TRPC7: variants seen among roughly 807,000 people sequenced by gnomAD.
TRPC7 encodes transient receptor potential cation channel subfamily C member 7, also known as short transient receptor potential channel 7.
TRPC7 carries 42 observed loss-of-function variants against 90.1 expected under a neutral mutation model. The observed-to-expected ratio is 0.47, with a 90% CI of 0.36 to 0.60. TRPC7 has a LOEUF of 0.60. TRPC7 is among the 20% of genes least tolerant of loss of function. TRPC7 has a pLI of 0.00. For synonymous variants in TRPC7, 451 were observed against 436.3 expected, an observed-to-expected ratio of 1.03 and a Z score of -0.42; for missense variants, 955 against 1,112.3, an observed-to-expected ratio of 0.86 and a Z score of 2.01.
At chr5:136,311,985 A>G (rs1160603769) in intron 3 of TRPC7, among the ~76,000 whole-genome samples, 1 of 152,226 alleles carries the variant, frequency 6.6e-6, no homozygotes, top group East Asian at 1.9e-4. Flanking sequence ...TTTTCATTAT[A>G]ACCTATGACA....
At chr5:136,347,550 G>A (rs1046535637) in intron 2 of TRPC7, among the ~76,000 whole-genome samples, 3 of 152,280 alleles carry the variant, frequency 2.0e-5, no homozygotes, top group Non-Finnish European at 4.4e-5. Context: ...TAGAATCTTG[G>A]AAATGCAATG....
chr5:136,227,590 A>G (rs151191950), intron 8 of TRPC7, among the ~76,000 whole-genome samples: 22 of 152,260 alleles, frequency 1.4e-4, no homozygotes, highest in African/African-American at 5.1e-4. Flanking sequence ...GGGACATCCT[A>G]TAAGGATCTT....
At chr5:136,350,129 G>A (rs551575383) in intron 2 of TRPC7, among the ~76,000 whole-genome samples, 184 of 152,280 alleles carry the variant, frequency 1.2e-3, no homozygotes, top group Non-Finnish European at 2.2e-3. Context: ...TGATGAAATT[G>A]CTTAAGGATG....
chr5:136,238,847 C>T (rs912446549), intron 7 of TRPC7, among the ~76,000 whole-genome samples: 11 of 152,140 alleles, frequency 7.2e-5, no homozygotes, highest in Non-Finnish European at 1.0e-4. Flanking sequence ...AAACATTTTA[C>T]GATAGTAGAG....
intron 3 of TRPC7, among the ~76,000 whole-genome samples, chr5:136,291,446 G>T (rs1001055530): frequency 2.0e-5 from 3 of 152,090 alleles, no homozygotes; most frequent in African/African-American, 7.2e-5. Flanking sequence ...GATGGAGGAA[G>T]ATCTACCAAG....
intron 3 of TRPC7, among the ~76,000 whole-genome samples, chr5:136,287,682 A>T (rs1757768768): frequency 9.1e-6 from 1 of 110,318 alleles, no homozygotes; most frequent in Admixed American, 1.2e-4. Context: ...GACAGAGTGG[A>T]TGCTCAAAAA....
chr5:136,294,108 A>T (rs1011804016), intron 3 of TRPC7, among the ~76,000 whole-genome samples: 4 of 152,218 alleles, frequency 2.6e-5, no homozygotes, highest in Admixed American at 1.3e-4. Context: ...CTGAAACTGG[A>T]TCCCTTCCTT....
intron 3 of TRPC7, among the ~76,000 whole-genome samples, chr5:136,284,747 T>C (rs952611054): frequency 6.6e-6 from 1 of 152,070 alleles, no homozygotes; most frequent in African/African-American, 2.4e-5. Flanking sequence ...GAATGCCTTG[T>C]TGAGGGAAGG....
intron 10 of TRPC7, among the ~76,000 whole-genome samples, chr5:136,218,080 T>C (rs1755330890): frequency 1.4e-5 from 2 of 144,746 alleles, no homozygotes; most frequent in South Asian, 4.2e-4. Context: ...ATTTAAGATA[T>C]ATAATATATG....
In TRPC7 at chr5:136,274,657, C is replaced by T. The variant is rs764945506; in HGVS notation, c.1128+16G>A. 6.3e-7 allele frequency: 1 copy of T among 1,599,462 alleles called. No homozygotes were observed. The highest frequency in any genetic ancestry group is 1.4e-5 in the African/African-American group (1 of 74,054). The stretch of plus-strand genomic sequence containing the variant: ...AGAAATAACCGCAAACGACATGCAC[C>T]TTAAGCAGTCTGTACCTTGCTGCAC... On this transcript the variant is annotated intron_variant, in intron 4 of 11. Transcript: ENST00000513104.
chr5:136,228,286 TG>T (rs1755694834), intron 8 of TRPC7, among the ~76,000 whole-genome samples: 1 of 120,938 alleles, frequency 8.3e-6, no homozygotes, highest in East Asian at 2.5e-4. Flanking sequence ...AGGTCAAGAG[TG>T]GGTGGGGTGG....
At chr5:136,292,927 A>G (rs893072192) in intron 3 of TRPC7, among the ~76,000 whole-genome samples, 1 of 152,346 alleles carries the variant, frequency 6.6e-6, no homozygotes, top group South Asian at 2.1e-4. Context: ...CCAGCAACAC[A>G]TCAAAAAGCT....
At chr5:136,290,684 C>T (rs1463582244) in intron 3 of TRPC7, among the ~76,000 whole-genome samples, 20 of 152,100 alleles carry the variant, frequency 1.3e-4, no homozygotes, top group South Asian at 6.2e-4. Context: ...CTGAAAGTGA[C>T]GGGGAGAATG....
intron 10 of TRPC7, among the ~76,000 whole-genome samples, chr5:136,219,004 C>T (rs1755364808): frequency 6.6e-6 from 1 of 152,334 alleles, no homozygotes; most frequent in East Asian, 1.9e-4. Flanking sequence ...GAGACTTCAT[C>T]TGAGCATCAA....
chr5:136,328,639 G>T (rs547723739), intron 2 of TRPC7, among the ~76,000 whole-genome samples: 1 of 152,200 alleles, frequency 6.6e-6, no homozygotes, highest in Non-Finnish European at 1.5e-5. Flanking sequence ...GGCTGATAAT[G>T]CCATCTACTT....
rs185318254 is a variant in TRPC7, at chr5:136,241,415, A to G, written c.1844+6056T>C. On this transcript the variant is annotated intron_variant, in intron 7 of 11. Transcript: ENST00000513104. ...AAGGCCAAGTTCACCCAAAGGGGAG[A>G]CAGGGGCCCACCATGGGTTGTGTTA... 5.9e-3 allele frequency among the ~76,000 whole-genome samples: 899 copies of G among 152,364 alleles called. 6 individuals are homozygous for G. Among genetic ancestry groups the G allele is most frequent in the Non-Finnish European group, 9.5e-3 (649 of 68,034 alleles).
intron 3 of TRPC7, among the ~76,000 whole-genome samples, chr5:136,287,133 G>A (rs1433932900): frequency 6.6e-6 from 1 of 152,144 alleles, no homozygotes; most frequent in Non-Finnish European, 1.5e-5. Flanking sequence ...CTGGGTGTCT[G>A]AATAACCTTC....
At chr5:136,281,839 G>T (rs1051460040) in intron 3 of TRPC7, among the ~76,000 whole-genome samples, 43 of 152,126 alleles carry the variant, frequency 2.8e-4, no homozygotes, top group African/African-American at 9.7e-4. Flanking sequence ...GCAAACTTCT[G>T]TTTACCAACA....
At chr5:136,336,251 C>G (rs1327971857) in intron 2 of TRPC7, among the ~76,000 whole-genome samples, 1 of 152,130 alleles carries the variant, frequency 6.6e-6, no homozygotes, top group Non-Finnish European at 1.5e-5. Context: ...CTGTGATAAT[C>G]TCTTTACACT....
Sources: allele counts gnomAD v4.1 joint callset (sites outside exome capture counted in the v4.1 genomes callset), GRCh38; gene constraint gnomAD v4.1.1; transcripts MANE v1.5; gene names NCBI Gene and HGNC (gene_info 2026-07-23, HGNC 2026-07-21).